Variants in USP48 observed in about 807,000 individuals in gnomAD.
USP48 encodes ubiquitin carboxyl-terminal hydrolase 48.
USP48 carries 43 observed loss-of-function variants against 150.7 expected under a neutral mutation model. The observed-to-expected ratio is 0.29, with a 90% CI of 0.22 to 0.37. The LOEUF (loss-of-function observed/expected upper bound fraction) is 0.37, where lower values mean the gene tolerates loss of function less well. Ranked by LOEUF, USP48 falls within the 10% of genes least tolerant of loss-of-function variation. The pLI, the probability that USP48 is intolerant of heterozygous loss-of-function variation, is 1.00. For synonymous variants in USP48, 396 were observed against 425.9 expected, an observed-to-expected ratio of 0.93 and a Z score of 0.86; for missense variants, 813 against 1,249.6, an observed-to-expected ratio of 0.65 and a Z score of 5.27.
intron 8 of USP48, among the ~76,000 whole-genome samples, chr1:21,740,276 G>A (rs1034572032): frequency 1.3e-5 from 2 of 152,194 alleles, no homozygotes; most frequent in Non-Finnish European, 2.9e-5. Flanking sequence ...TCATCCATGT[G>A]ATCACACATG....
chr1:21,687,126 A>G, intron 25 of USP48, 65 bp downstream of exon 25: 2 of 1,496,534 alleles, frequency 1.3e-6, no homozygotes, highest in Non-Finnish European at 1.8e-6. Context: ...TAAAGCTTCA[A>G]TATCTAAAAT....
chr1:21,684,236 T>C (rs2097574750), intron 25 of USP48, among the ~76,000 whole-genome samples: 1 of 152,240 alleles, frequency 6.6e-6, no homozygotes, highest in South Asian at 2.1e-4. Flanking sequence ...CTGTACTAAT[T>C]TACATTCCCA....
chr1:21,756,592 G>A lies in USP48; in HGVS notation c.366C>T (p.Ser122=), dbSNP rs760652455. ...CTCCCAGCATGTAGTCACTACAAGT[G>A]CTTGGACATAAGTAGAGTGCCTGCC... The part of the protein sequence containing the change: ...ELRQALYLCP[S]TCSDYMLGDG... Residue 122 remains serine (S), a synonymous_variant, in exon 3 of 27, where the codon AGC becomes AGT. Transcript: ENST00000308271. 29 of 1,604,868 alleles carry A rather than the reference G, an allele frequency of 1.8e-5. No homozygotes were observed. The highest frequency in any genetic ancestry group is 8.5e-7 in the Non-Finnish European group (1 of 1,177,562).
At chr1:21,766,904 CA>C (rs1299811555) in intron 1 of USP48, among the ~76,000 whole-genome samples, 8 of 152,080 alleles carry the variant, frequency 5.3e-5, no homozygotes, top group African/African-American at 1.9e-4. Flanking sequence ...GTCTCTACTA[CA>C]AATACAAAAA....
At chr1:21,692,314 GC>G (rs2097604556) in intron 23 of USP48, among the ~76,000 whole-genome samples, 1 of 152,056 alleles carries the variant, frequency 6.6e-6, no homozygotes, top group African/African-American at 2.4e-5. Context: ...AGCTCAGCAT[GC>G]AAACATCAAG....
intron 15 of USP48, among the ~76,000 whole-genome samples, chr1:21,707,737 C>G (rs562411785): frequency 4.7e-4 from 71 of 152,234 alleles, no homozygotes; most frequent in Non-Finnish European, 3.1e-4. Flanking sequence ...GGCAAGGTAC[C>G]TACAGATTTA....
chr1:21,701,680 C>T (rs2097657452), intron 21 of USP48, 78 bp from the exon 22 acceptor site: 7 of 1,160,302 alleles, frequency 6.0e-6, no homozygotes, highest in South Asian at 1.2e-5. Context: ...GGGCTGGGAC[C>T]GGCAACCTTT....
chr1:21,708,636 C>T (rs1056651158), intron 15 of USP48, among the ~76,000 whole-genome samples: 1 of 151,946 alleles, frequency 6.6e-6, no homozygotes, highest in Non-Finnish European at 1.5e-5. Flanking sequence ...GTAATCCCAG[C>T]ACTTTAGGAG....
At chr1:21,750,861 A>G (rs2097810390) in intron 6 of USP48, among the ~76,000 whole-genome samples, 1 of 151,806 alleles carries the variant, frequency 6.6e-6, no homozygotes, top group Non-Finnish European at 1.5e-5. Context: ...CAGCCTGGGC[A>G]ACAAGAGAGA....
chr1:21,696,617 T>C (rs1267826914), intron 22 of USP48, among the ~76,000 whole-genome samples: 3 of 152,166 alleles, frequency 2.0e-5, no homozygotes, highest in Admixed American at 6.5e-5. Flanking sequence ...TTTCGTTAGT[T>C]TTCTTATTTA....
chr1:21,745,320 A>T (rs1332228617), intron 8 of USP48, among the ~76,000 whole-genome samples: 9 of 152,112 alleles, frequency 5.9e-5, no homozygotes, highest in Admixed American at 5.9e-4. Context: ...TTTAAAAATT[A>T]AGGAGACAAA....
intron 4 of USP48, 81 bp downstream of exon 4, chr1:21,752,911 A>G (rs2097820292): frequency 1.4e-6 from 2 of 1,462,106 alleles, no homozygotes; most frequent in East Asian, 5.0e-5. Context: ...AAAGCATTCT[A>G]CTTCATCTCC....
At chr1:21,771,616 G>GGCAAAAAAAACAGGGTTGA (rs1553147926) in intron 1 of USP48, among the ~76,000 whole-genome samples, 2 of 151,670 alleles carry the variant, frequency 1.3e-5, no homozygotes, top group East Asian at 3.9e-4. Context: ...ATTAATCAAT[G>GGCAAAAAAAACAGGGTTGA]GCAAAAAAAA....
chr1:21,749,997 G>A (rs2097805235), intron 6 of USP48, among the ~76,000 whole-genome samples: 1 of 152,090 alleles, frequency 6.6e-6, no homozygotes, highest in Non-Finnish European at 1.5e-5. Flanking sequence ...AAGACACCAT[G>A]CACTCCCATC....
At chr1:21,704,559 A>T in intron 19 of USP48, 167 bp from the exon 20 acceptor site, 3 of 713,442 alleles carry the variant, frequency 4.2e-6, no homozygotes, top group Non-Finnish European at 6.3e-6. Context: ...CATACAAAGG[A>T]ATGTTACCAC....
intron 15 of USP48, among the ~76,000 whole-genome samples, chr1:21,708,061 C>T (rs1359820531): frequency 6.6e-6 from 1 of 152,074 alleles, no homozygotes; most frequent in East Asian, 1.9e-4. Flanking sequence ...ACTCCAGAGG[C>T]TGAGGCAAGA....
At chr1:21,721,539 CCTT>C in intron 13 of USP48, 108 bp downstream of exon 13, 1 of 769,678 alleles carries the variant, frequency 1.3e-6, no homozygotes, top group Non-Finnish European at 2.0e-6. Context: ...ACTTTATCAC[CCTT>C]CTTCTAAAAA....
chr1:21,764,214 G>T (rs749819002), intron 1 of USP48, among the ~76,000 whole-genome samples: 2 of 152,120 alleles, frequency 1.3e-5, no homozygotes, highest in African/African-American at 2.4e-5. Flanking sequence ...GAGGCAGGCA[G>T]ATCACTTGAG....
intron 8 of USP48, among the ~76,000 whole-genome samples, chr1:21,746,258 G>C (rs114114097): frequency 0.013 from 1,918 of 152,228 alleles, 17 homozygotes; most frequent in Non-Finnish European, 0.018. Flanking sequence ...CCAGCACTTA[G>C]GGAGGTCAAG....
Sources: gnomAD v4.1 joint callset for allele counts (sites outside exome capture counted in the v4.1 genomes callset) on GRCh38, gnomAD v4.1.1 for gene constraint, MANE v1.5 for transcripts, NCBI Gene and HGNC (gene_info 2026-07-23, HGNC 2026-07-21) for gene names.